Variants in PTPN1 observed in about 807,000 individuals in gnomAD.
PTPN1 encodes protein tyrosine phosphatase non-receptor type 1, also known as tyrosine-protein phosphatase non-receptor type 1.
PTPN1 carries 12 observed loss-of-function variants against 59.9 expected under a neutral mutation model. The observed-to-expected ratio is 0.20, with a 90% confidence interval of 0.13 to 0.32. PTPN1 has a LOEUF of 0.32. Among genes scored for constraint, PTPN1 ranks in the 10% least tolerant of loss-of-function variants. The pLI is 1.00. For synonymous variants in PTPN1, 178 were observed against 203.6 expected, an observed-to-expected ratio of 0.87 and a Z score of 1.07; for missense variants, 356 against 549.2, an observed-to-expected ratio of 0.65 and a Z score of 3.52.
intron 1 of PTPN1, among the ~76,000 whole-genome samples, chr20:50,534,377 C>T (rs1419327113): frequency 2.0e-5 from 3 of 152,012 alleles, no homozygotes; most frequent in African/African-American, 2.4e-5. Flanking sequence ...ATTTTTTTAC[C>T]GTGAAAATAT....
At chr20:50,578,737 A>C in intron 6 of PTPN1, 108 bp downstream of exon 6, 1 of 910,834 alleles carries the variant, frequency 1.1e-6, no homozygotes, top group Non-Finnish European at 1.6e-6. Context: ...ACAGAGACTC[A>C]CTGTGTTAGT....
intron 1 of PTPN1, among the ~76,000 whole-genome samples, chr20:50,531,817 C>T (rs908085377): frequency 1.3e-5 from 2 of 152,190 alleles, no homozygotes; most frequent in African/African-American, 2.4e-5. Context: ...CCATACTCTT[C>T]GTCCTGCTTC....
At position 50,510,544 on chromosome 20, in the gene PTPN1, A is replaced by T. The variant is rs148137197; in HGVS notation, c.17A>T (p.Glu6Val). Residue 6 changes from glutamate (E) to valine (V), a missense_variant, in exon 1 of 10, where the codon GAG (glutamate) becomes GTG (valine). This residue lies in a region of PTPN1 where 194 missense variants were observed against 344.2 expected (regional missense o/e 0.56). Transcript: ENST00000371621. ...TGGCCCGTCATGGAGATGGAAAAGG[A>T]GTTCGAGCAGATCGACAAGTCCGGG... MEMEK[E>V]FEQIDKSGSW... 5.2e-6 allele frequency: 8 copies of T among 1,550,742 alleles called. No homozygotes were observed. The African/African-American group carries it at 1.1e-4, about 21-fold the overall frequency.
At chr20:50,546,009 C>T (rs956666797) in intron 1 of PTPN1, among the ~76,000 whole-genome samples, 1 of 151,982 alleles carries the variant, frequency 6.6e-6, no homozygotes, top group Non-Finnish European at 1.5e-5. Context: ...CTGCACTCCA[C>T]TCTAGGTGAC....
At chr20:50,512,121 C>A (rs1175493224) in intron 1 of PTPN1, among the ~76,000 whole-genome samples, 3 of 152,110 alleles carry the variant, frequency 2.0e-5, no homozygotes, top group Non-Finnish European at 4.4e-5. Context: ...TATGATTGAT[C>A]AGTATATAAA....
chr20:50,574,071 G>C (rs1416576795), intron 4 of PTPN1: 1 of 154,158 alleles, frequency 6.5e-6, no homozygotes, highest in East Asian at 1.9e-4. Context: ...CTCACCTGCT[G>C]TCTCTCCCAG....
intron 4 of PTPN1, among the ~76,000 whole-genome samples, chr20:50,570,563 C>G (rs2082803081): frequency 6.6e-6 from 1 of 152,166 alleles, no homozygotes; most frequent in Non-Finnish European, 1.5e-5. Flanking sequence ...CACTAGTCAG[C>G]AATTTTGAGT....
In PTPN1 at chr20:50,568,573, T is replaced by C. The variant is rs2082790562; in HGVS notation, c.354+95T>C. On this transcript the variant is annotated intron_variant, in intron 4 of 9. Coordinates refer to ENST00000371621, the MANE Select transcript of PTPN1 (RefSeq NM_002827.4). The surrounding 1 kb of genome is among the most constrained non-coding windows in gnomAD (Gnocchi z 5.6). Reference sequence around the variant, plus strand: ...AGATTTTTAAATTATTTTTCTTGCCTTTGTATTTCCTTTACGTAGTATTTT... The same window carrying C: ...AGATTTTTAAATTATTTTTCTTGCCCTTGTATTTCCTTTACGTAGTATTTT... 1 of 1,022,006 alleles carries C rather than the reference T, an allele frequency of 9.8e-7. No homozygotes were observed. Among genetic ancestry groups the C allele is most frequent in the Non-Finnish European group, 1.5e-6 (1 of 664,590 alleles). 63.3% of individuals were successfully genotyped at this position (1,022,006 alleles called of 1,614,324 possible).
chr20:50,523,226 A>C (rs1004062494), intron 1 of PTPN1, among the ~76,000 whole-genome samples: 1 of 152,212 alleles, frequency 6.6e-6, no homozygotes, highest in African/African-American at 2.4e-5. Flanking sequence ...AGGTGGGGAC[A>C]CAGGAAAAGG....
rs1038806181 is a variant in PTPN1 at position 50,568,588 on chromosome 20, C to T, written c.354+110C>T. 27 of 848,204 alleles carry T rather than the reference C, an allele frequency of 3.2e-5. No homozygotes were observed. Among genetic ancestry groups the T allele is most frequent in the African/African-American group, 2.6e-4 (15 of 57,940 alleles). The allele number at this position is 848,204 out of a possible 1,614,324, so 52.5% of individuals were successfully genotyped here. ...TTTTCTTGCCTTTGTATTTCCTTTACGTAGTATTTTTATTTAAAAAAATTA... is the reference window on the plus strand; with the variant it reads ...TTTTCTTGCCTTTGTATTTCCTTTATGTAGTATTTTTATTTAAAAAAATTA... On this transcript the variant is annotated intron_variant, in intron 4 of 9. Coordinates refer to ENST00000371621, the MANE Select transcript of PTPN1 (RefSeq NM_002827.4). The surrounding 1 kb of genome is among the most constrained non-coding windows in gnomAD (Gnocchi z 5.6).
chr20:50,532,290 G>A (rs1267911836), intron 1 of PTPN1, among the ~76,000 whole-genome samples: 1 of 152,196 alleles, frequency 6.6e-6, no homozygotes. Context: ...AGTCTTACAT[G>A]TCATGGAGTA....
At chr20:50,534,948 T>TGAACTCCTGCCTTCAGGTG (rs2082617636) in intron 1 of PTPN1, among the ~76,000 whole-genome samples, 1 of 151,126 alleles carries the variant, frequency 6.6e-6, no homozygotes, top group Non-Finnish European at 1.5e-5. Context: ...AGGCTGGCCT[T>TGAACTCCTGCCTTCAGGTG]GAACTCCTGC....
rs1219900969 is a variant in PTPN1, at chr20:50,581,449, C to G, written c.1273C>G (p.Leu425Val). 5.0e-6 allele frequency: 8 copies of G among 1,610,292 alleles called. No homozygotes were observed. The highest frequency in any genetic ancestry group is 6.8e-6 in the Non-Finnish European group (8 of 1,176,956). Residue 425 changes from leucine (L) to valine (V), a missense_variant, in exon 9 of 10, where the codon CTC becomes GTC. This residue lies in a region of PTPN1 where 62 missense variants were observed against 97.2 expected (regional missense o/e 0.64). Transcript: ENST00000371621. Reference protein sequence around the residue: ...VATVLTAGAYLCYRFLFNSNT With the variant: ...VATVLTAGAYVCYRFLFNSNT ...TACGGTCCTCACGGCCGGCGCTTAC[C>G]TCTGCTACAGGGTATGTTTCCACTG...
At chr20:50,524,380 A>G (rs1046159149) in intron 1 of PTPN1, among the ~76,000 whole-genome samples, 10 of 152,102 alleles carry the variant, frequency 6.6e-5, no homozygotes, top group African/African-American at 2.4e-4. Flanking sequence ...AAAAAAAATT[A>G]TATTTTAATA....
intron 5 of PTPN1, 137 bp from the exon 6 acceptor site, chr20:50,578,283 G>A: frequency 1.2e-6 from 1 of 816,358 alleles, no homozygotes; most frequent in Non-Finnish European, 2.0e-6. Context: ...CTGGGTGTGT[G>A]GACCCTGGGA....
At chr20:50,541,825 C>T (rs1206345764) in intron 1 of PTPN1, among the ~76,000 whole-genome samples, 1 of 152,134 alleles carries the variant, frequency 6.6e-6, no homozygotes, top group Non-Finnish European at 1.5e-5. Context: ...CCCATTGAGG[C>T]CAACCAAAGT....
At chr20:50,552,576 C>T (rs892382508) in intron 1 of PTPN1, among the ~76,000 whole-genome samples, 1 of 152,118 alleles carries the variant, frequency 6.6e-6, no homozygotes, top group Non-Finnish European at 1.5e-5. Context: ...TGCCTGTAAT[C>T]TCAGCACTAT....
Position 50,580,036 on chromosome 20 carries a change from C to T in PTPN1, c.1088+110C>T, listed in dbSNP as rs542407728. On this transcript the variant is annotated intron_variant, in intron 8 of 9. Coordinates refer to ENST00000371621, the MANE Select transcript of PTPN1 (RefSeq NM_002827.4). ...GATGCAGCCTCCTGTTGGCAAGCAGCGCTTCCGCATCCTTGGGGAACAGGG... is the reference window on the plus strand; with the variant it reads ...GATGCAGCCTCCTGTTGGCAAGCAGTGCTTCCGCATCCTTGGGGAACAGGG... The T allele has an allele frequency of 1.0e-4, 100 of 993,222 alleles. No individual in the cohort carries two copies. The South Asian group carries it at 1.4e-3, about 14-fold the overall frequency. The allele number at this position is 993,222 out of a possible 1,614,324, so 61.5% of individuals were successfully genotyped here. A position where few individuals can be genotyped will look rare whatever the true frequency, so the allele number is the denominator to read the frequency against.
At chr20:50,533,026 T>C (rs567258884) in intron 1 of PTPN1, among the ~76,000 whole-genome samples, 2 of 141,742 alleles carry the variant, frequency 1.4e-5, no homozygotes, top group South Asian at 2.2e-4. Context: ...CTAATATCAC[T>C]TTTTTTTTTT....
Sources: gnomAD v4.1 joint callset for allele counts (sites outside exome capture counted in the v4.1 genomes callset) on GRCh38, gnomAD v4.1.1 for gene constraint, gnomAD v4.1.1 regional missense constraint, Gnocchi (gnomAD v3.1) non-coding constraint, MANE v1.5 for transcripts, NCBI Gene and HGNC (gene_info 2026-07-23, HGNC 2026-07-21) for gene names.